The following GALNT10 variants were observed in gnomAD, a reference collection of about 807,000 sequenced individuals.
The protein encoded by GALNT10 is GalNAc transferase 10.
GALNT10 carries 41 observed loss-of-function variants against 75.0 expected under a neutral mutation model. The ratio of observed to expected loss-of-function variants is 0.55; its 90% CI spans 0.43 to 0.71. The LOEUF (loss-of-function observed/expected upper bound fraction) is 0.71. Ranked by LOEUF, GALNT10 falls within the 30% of genes least tolerant of loss-of-function variation. The pLI is 0.00. For synonymous variants in GALNT10, 302 were observed against 313.0 expected (o/e 0.96, Z 0.37); for missense variants, 727 against 818.5 (o/e 0.89, Z 1.36).
chr5:154,346,811 A>G (rs1402312089), intron 4 of GALNT10, among the ~76,000 whole-genome samples: 2 of 152,070 alleles, frequency 1.3e-5, no homozygotes, highest in Non-Finnish European at 2.9e-5. Context: ...CTTTAGTCAG[A>G]CAGCAGACTT....
chr5:154,318,623 C>G (rs889030), intron 3 of GALNT10, among the ~76,000 whole-genome samples: 1 of 152,062 alleles, frequency 6.6e-6, no homozygotes, highest in Non-Finnish European at 1.5e-5. Flanking sequence ...ATATTAAGTG[C>G]CTACAGCACT....
At chr5:154,370,248 G>A (rs1430351335) in intron 4 of GALNT10, among the ~76,000 whole-genome samples, 1 of 152,252 alleles carries the variant, frequency 6.6e-6, no homozygotes, top group Non-Finnish European at 1.5e-5. Context: ...TGGCTTGGGT[G>A]CTAGGCACGA....
At chr5:154,202,889 C>G (rs547402705) in intron 1 of GALNT10, among the ~76,000 whole-genome samples, 1 of 152,284 alleles carries the variant, frequency 6.6e-6, no homozygotes, top group Non-Finnish European at 1.5e-5. Context: ...CTGCTTCTCC[C>G]TTTCGCAGCC....
chr5:154,386,462 G>A (rs1473351355), intron 7 of GALNT10, 32 bp downstream of exon 7: 1 of 1,362,224 alleles, frequency 7.3e-7, no homozygotes, highest in Admixed American at 1.7e-5. Context: ...CCCGTTCTTG[G>A]CACAGCCTCC....
At chr5:154,387,072 G>A (rs374357721) in intron 7 of GALNT10, 2 of 152,566 alleles carry the variant, frequency 1.3e-5, no homozygotes, top group South Asian at 2.1e-4. Context: ...TGTCTAGAAA[G>A]TGCTTAGCAT....
At chr5:154,360,450 TAAAA>T (rs11308900) in intron 4 of GALNT10, among the ~76,000 whole-genome samples, 1 of 133,720 alleles carries the variant, frequency 7.5e-6, no homozygotes, top group Non-Finnish European at 1.6e-5. Flanking sequence ...AAACTCCATC[TAAAA>T]AAAAAAAAAA....
chr5:154,210,353 C>G (rs1184694903), intron 1 of GALNT10, among the ~76,000 whole-genome samples: 1 of 151,146 alleles, frequency 6.6e-6, no homozygotes, highest in Non-Finnish European at 1.5e-5. Flanking sequence ...TGCACACAGG[C>G]ACACATGCAC....
rs1041683624 is a variant in GALNT10, at chr5:154,352,110, A to G, written c.568+22372A>G. ...TTCACTTAGGGAATATTTATGAAATACCCACTCTGTATCTGTTTACCAGAT... is the reference window on the plus strand; with the variant it reads ...TTCACTTAGGGAATATTTATGAAATGCCCACTCTGTATCTGTTTACCAGAT... On this transcript the variant is annotated intron_variant, in intron 4 of 11. Coordinates refer to ENST00000297107, the MANE Select transcript of GALNT10 (RefSeq NM_198321.4). This position sits in a 1 kb window ranked among gnomAD's most constrained non-coding sequence, Gnocchi z 4.4. Among the ~76,000 whole-genome samples, 1 of 152,204 alleles carries G rather than the reference A, an allele frequency of 6.6e-6. No homozygotes were observed. Among genetic ancestry groups the G allele is most frequent in the Non-Finnish European group, 1.5e-5 (1 of 68,038 alleles).
At chr5:154,223,024 G>A (rs182092509) in intron 1 of GALNT10, among the ~76,000 whole-genome samples, 4 of 152,176 alleles carry the variant, frequency 2.6e-5, no homozygotes, top group African/African-American at 4.8e-5. Context: ...GAACCTGAAT[G>A]TGGTACCAAC....
chr5:154,350,567 A>G (rs1007759546), intron 4 of GALNT10, among the ~76,000 whole-genome samples: 7 of 152,214 alleles, frequency 4.6e-5, no homozygotes, highest in African/African-American at 1.7e-4. Flanking sequence ...ACAAAAACCA[A>G]TGGAAGTAGC....
intron 4 of GALNT10, among the ~76,000 whole-genome samples, chr5:154,338,612 T>C (rs1022155574): frequency 6.6e-6 from 1 of 152,222 alleles, no homozygotes; most frequent in African/African-American, 2.4e-5. Flanking sequence ...TAATATTCCA[T>C]AGTGGGAATC....
rs200100341 is a variant in GALNT10 at position 154,380,485 on chromosome 5, G to A, written c.792G>A (p.Pro264=). 2.0e-5 allele frequency: 33 copies of A among 1,614,104 alleles called. No homozygotes were observed. The highest frequency in any genetic ancestry group is 2.5e-5 in the Non-Finnish European group (30 of 1,179,982). ...GGAACCGCAAGACCATTGTGTGCCC[G>A]ATGATTGATGTAATTGACCATGACG... ...IARNRKTIVC[P]MIDVIDHDDF... The change falls in exon 6 of 12, where the codon CCG becomes CCA. Residue 264 remains proline, a synonymous_variant. Coordinates refer to ENST00000297107, the MANE Select transcript of GALNT10 (RefSeq NM_198321.4).
chr5:154,288,978 G>A (rs1754151890), intron 1 of GALNT10, among the ~76,000 whole-genome samples: 1 of 152,168 alleles, frequency 6.6e-6, no homozygotes, highest in Admixed American at 6.5e-5. Context: ...TCCTGTTAAT[G>A]AGGAAATTCT....
chr5:154,417,047 C>G lies in GALNT10; in HGVS notation c.*75C>G. 1 of 1,354,962 alleles carries G rather than the reference C, an allele frequency of 7.4e-7. No homozygotes were observed. Among genetic ancestry groups the G allele is most frequent in the East Asian group, 2.3e-5 (1 of 43,640 alleles). The allele number at this position is 1,354,962 out of a possible 1,614,324, so 83.9% of individuals were successfully genotyped here. A position where few individuals can be genotyped will look rare whatever the true frequency, so the allele number is the denominator to read the frequency against. Reference sequence around the variant, plus strand: ...ACTTCCTCTTTCAAGGGAGGCAGGGCCCCTGTGGGCACTAGGTGTAAAAGG... The same window carrying G: ...ACTTCCTCTTTCAAGGGAGGCAGGGGCCCTGTGGGCACTAGGTGTAAAAGG... On this transcript the variant is annotated 3_prime_UTR_variant, in exon 12 of 12. Coordinates refer to ENST00000297107, the MANE Select transcript of GALNT10 (RefSeq NM_198321.4).
At chr5:154,220,022 G>A (rs558791491) in intron 1 of GALNT10, 1 of 152,220 alleles carries the variant, frequency 6.6e-6, no homozygotes, top group East Asian at 1.9e-4. Flanking sequence ...ATCTGATCTG[G>A]CGAATCTTCA....
chr5:154,262,064 C>A (rs1035272793), intron 1 of GALNT10, among the ~76,000 whole-genome samples: 6 of 152,168 alleles, frequency 3.9e-5, no homozygotes, highest in Admixed American at 6.5e-5. Flanking sequence ...TAGGCTTTAG[C>A]TGTATTGCAT....
rs182285384 is a variant in GALNT10 at position 154,407,652 on chromosome 5, T to G, written c.1165-1889T>G. ...AGCCAAAAGAGCCTGGTGGACATAC[T>G]GGAAAAAGCAGAGGAAATATTGTGT... On this transcript the variant is annotated intron_variant, in intron 8 of 11. Coordinates refer to ENST00000297107, the MANE Select transcript of GALNT10 (RefSeq NM_198321.4). 8.5e-5 allele frequency among the ~76,000 whole-genome samples: 13 copies of G among 152,278 alleles called. No individual in the cohort carries two copies. The East Asian group carries it at 2.3e-3, about 27-fold the overall frequency.
At chr5:154,240,205 A>C in intron 1 of GALNT10, among the ~76,000 whole-genome samples, 1 of 152,228 alleles carries the variant, frequency 6.6e-6, no homozygotes, top group East Asian at 1.9e-4. Flanking sequence ...ACAGACAGAC[A>C]CAAAAATAAC....
intron 1 of GALNT10, among the ~76,000 whole-genome samples, chr5:154,221,972 A>G (rs1752986396): frequency 6.6e-6 from 1 of 152,062 alleles, no homozygotes; most frequent in Admixed American, 6.6e-5. Context: ...TAGTTGAAGT[A>G]TATTTGAATT....
Sources: allele counts gnomAD v4.1 joint callset (sites outside exome capture counted in the v4.1 genomes callset), GRCh38; gene constraint gnomAD v4.1.1; non-coding constraint Gnocchi (gnomAD v3.1); transcripts MANE v1.5; gene names NCBI Gene and HGNC (gene_info 2026-07-23, HGNC 2026-07-21).